The following MAML2 variants were observed in gnomAD, a reference collection of about 807,000 sequenced individuals.
MAML2 encodes mastermind-like protein 2.
In MAML2, 22 loss-of-function variants were observed where a neutral mutation model predicts 96.1. That is an observed-to-expected ratio of 0.23 (90% CI 0.16 to 0.33). The LOEUF (loss-of-function observed/expected upper bound fraction) is 0.33, where lower values mean the gene tolerates loss of function less well. Among genes scored for constraint, MAML2 ranks in the 10% least tolerant of loss-of-function variants. The pLI is 1.00. For synonymous variants in MAML2, 561 were observed against 521.3 expected (o/e 1.08, Z -1.04); for missense variants, 1,367 against 1,392.4 (o/e 0.98, Z 0.29).
chr11:96,243,122 CA>C (rs1862459214), intron 1 of MAML2, among the ~76,000 whole-genome samples: 1 of 131,968 alleles, frequency 7.6e-6, no homozygotes, highest in Non-Finnish European at 1.8e-5. Flanking sequence ...GCAAAAGTTA[CA>C]TTCTCTCTTA....
intron 1 of MAML2, among the ~76,000 whole-genome samples, chr11:96,285,071 G>T (rs540575266): frequency 6.6e-6 from 1 of 152,234 alleles, no homozygotes; most frequent in South Asian, 2.1e-4. Flanking sequence ...AAAGGTTAAG[G>T]AACTTGTCCA....
At chr11:96,182,785 A>G (rs1324368641) in intron 1 of MAML2, among the ~76,000 whole-genome samples, 3 of 152,258 alleles carry the variant, frequency 2.0e-5, no homozygotes, top group Admixed American at 2.0e-4. Flanking sequence ...TTTCATTTCA[A>G]CATGCTCCTT....
At chr11:95,996,922 TA>T (rs936866667) in intron 2 of MAML2, among the ~76,000 whole-genome samples, 1 of 152,156 alleles carries the variant, frequency 6.6e-6, no homozygotes, top group African/African-American at 2.4e-5. Context: ...AAGGCTGTGG[TA>T]AAAATCGCAC....
intron 2 of MAML2, among the ~76,000 whole-genome samples, chr11:96,030,204 C>A (rs1340505603): frequency 6.6e-6 from 1 of 151,714 alleles, no homozygotes; most frequent in Non-Finnish European, 1.5e-5. Context: ...CCACTGCACT[C>A]CAGCCTGGGC....
intron 2 of MAML2, among the ~76,000 whole-genome samples, chr11:96,083,607 T>G (rs2135801217): frequency 6.6e-6 from 1 of 152,330 alleles, no homozygotes; most frequent in South Asian, 2.1e-4. Context: ...GTGGAAGTGC[T>G]AGCTCCTGTT....
In MAML2 at chr11:96,092,643, G is replaced by T; in HGVS notation, c.1388C>A (p.Ala463Asp). 1 of 1,613,634 alleles carries T rather than the reference G, an allele frequency of 6.2e-7. No individual in the cohort carries two copies. The highest frequency in any genetic ancestry group is 8.5e-7 in the Non-Finnish European group (1 of 1,179,800). ...TGATGGTCCAGCAGAAGAGGGCAAG[G>T]CTGACCAGTTGGTAGGCTGGTGCTG... ...QQQHQPTNWS[A>D]LPSSAGPSPG... The change falls in exon 2 of 5, where the codon GCC (alanine) becomes GAC (aspartate). Residue 463 changes from alanine to aspartate, a missense_variant. By Grantham distance (126) the Ala-to-Asp change is moderately radical. Coordinates refer to ENST00000524717, the MANE Select transcript of MAML2 (RefSeq NM_032427.4). This position sits in a 1 kb window ranked among gnomAD's most constrained non-coding sequence, Gnocchi z 4.1.
At chr11:96,145,470 T>A (rs1417830999) in intron 1 of MAML2, among the ~76,000 whole-genome samples, 1 of 152,236 alleles carries the variant, frequency 6.6e-6, no homozygotes, top group East Asian at 1.9e-4. Context: ...GATAACATCA[T>A]GCTGCCTTGT....
intron 1 of MAML2, among the ~76,000 whole-genome samples, chr11:96,304,970 A>C (rs1262795743): frequency 6.6e-6 from 1 of 152,250 alleles, no homozygotes; most frequent in Non-Finnish European, 1.5e-5. Flanking sequence ...TAACATTCTG[A>C]AATATTATTA....
chr11:96,034,432 T>TGTGTGA (rs549312275), intron 2 of MAML2, among the ~76,000 whole-genome samples: 157 of 135,734 alleles, frequency 1.2e-3, no homozygotes, highest in South Asian at 2.4e-3. Context: ...TGTGTGTGTG[T>TGTGTGA]GAGAGAGAGA....
intron 1 of MAML2, among the ~76,000 whole-genome samples, chr11:96,330,486 T>A (rs1863838675): frequency 1.3e-5 from 2 of 152,342 alleles, no homozygotes; most frequent in South Asian, 4.1e-4. Flanking sequence ...CATGCTAAAA[T>A]TTTCCAGCTC....
At chr11:96,151,543 G>T (rs1188125748) in intron 1 of MAML2, among the ~76,000 whole-genome samples, 1 of 152,196 alleles carries the variant, frequency 6.6e-6, no homozygotes, top group Non-Finnish European at 1.5e-5. Context: ...CTGGTGGGAG[G>T]TGATTGGATC....
chr11:96,140,571 C>A (rs1247537264), intron 1 of MAML2, among the ~76,000 whole-genome samples: 1 of 152,188 alleles, frequency 6.6e-6, no homozygotes. Flanking sequence ...TATACCAGAG[C>A]TCTTACATGC....
chr11:95,988,010 A>AT (rs11378961), intron 3 of MAML2, among the ~76,000 whole-genome samples: 152,153 of 152,172 alleles, frequency 1, 76,067 homozygotes, highest in Middle Eastern at 1. Flanking sequence ...GACAGTTTTG[A>AT]TTTTATGCCA....
At chr11:96,116,489 G>T (rs948274257) in intron 1 of MAML2, among the ~76,000 whole-genome samples, 2 of 152,118 alleles carry the variant, frequency 1.3e-5, no homozygotes, top group African/African-American at 2.4e-5. Flanking sequence ...CCTTTTCTGT[G>T]TTCTACTCTG....
At chr11:96,190,491 T>A (rs1861638266) in intron 1 of MAML2, among the ~76,000 whole-genome samples, 1 of 152,172 alleles carries the variant, frequency 6.6e-6, no homozygotes, top group African/African-American at 2.4e-5. Context: ...AAACCACAGG[T>A]CACTTATGGT....
At chr11:96,100,554 C>G (rs1859909916) in intron 1 of MAML2, among the ~76,000 whole-genome samples, 1 of 151,964 alleles carries the variant, frequency 6.6e-6, no homozygotes, top group South Asian at 2.1e-4. Context: ...AAGTGATCTG[C>G]CTGCATCGGC....
intron 2 of MAML2, among the ~76,000 whole-genome samples, chr11:96,049,419 A>G (rs1858956399): frequency 6.6e-6 from 1 of 152,194 alleles, no homozygotes; most frequent in Non-Finnish European, 1.5e-5. Flanking sequence ...AGAAGGTAAA[A>G]GTAATTTTTA....
chr11:96,005,903 T>G (rs1858171817), intron 2 of MAML2, among the ~76,000 whole-genome samples: 1 of 151,590 alleles, frequency 6.6e-6, no homozygotes, highest in Non-Finnish European at 1.5e-5. Flanking sequence ...TAAAGTAACC[T>G]ACAAATTTTG....
At chr11:96,170,737 T>C (rs1310795041) in intron 1 of MAML2, among the ~76,000 whole-genome samples, 1 of 152,130 alleles carries the variant, frequency 6.6e-6, no homozygotes, top group Non-Finnish European at 1.5e-5. Context: ...TGTTTTGAGA[T>C]GGAGTCTTGC....
Sources: gnomAD v4.1 joint callset for allele counts (sites outside exome capture counted in the v4.1 genomes callset) on GRCh38, gnomAD v4.1.1 for gene constraint, Gnocchi (gnomAD v3.1) non-coding constraint, MANE v1.5 for transcripts, NCBI Gene and HGNC (gene_info 2026-07-23, HGNC 2026-07-21) for gene names.